Variants in ZFHX2 observed in about 807,000 individuals in gnomAD.
The protein encoded by ZFHX2 is zinc finger homeobox 2, also known as zinc finger homeobox protein 2.
Under a neutral mutation model 164.8 loss-of-function variants are expected in ZFHX2, and 75 were observed. That is an observed-to-expected ratio of 0.46 (90% confidence interval 0.38 to 0.55). The LOEUF (loss-of-function observed/expected upper bound fraction) is 0.55. Ranked by LOEUF, ZFHX2 falls within the 20% of genes least tolerant of loss-of-function variation. ZFHX2 has a pLI of 0.00. For missense variants in ZFHX2, 2,933 were observed against 3,308.0 expected (o/e 0.89, Z 2.78); for synonymous variants, 1,217 against 1,351.4 (o/e 0.90, Z 2.18).
Position 23,521,769 on chromosome 14 carries a change from T to C in ZFHX2, c.*193A>G, listed in dbSNP as rs1162875297. 4.2e-6 allele frequency: 4 copies of C among 963,108 alleles called. No individual in the cohort carries two copies. The highest frequency in any genetic ancestry group is 4.4e-6 in the Non-Finnish European group (3 of 674,572). 59.7% of individuals were successfully genotyped at this position (963,108 alleles called of 1,614,324 possible). A position where few individuals can be genotyped will look rare whatever the true frequency, so the allele number is the denominator to read the frequency against. Reference sequence around the variant, plus strand: ...GGAGGAGGATCAATGTGTGTGTCTGTGGGGATTGGGAGGAGGCAGGACTCT... The same window carrying C: ...GGAGGAGGATCAATGTGTGTGTCTGCGGGGATTGGGAGGAGGCAGGACTCT... On this transcript the variant is annotated 3_prime_UTR_variant, in exon 10 of 10. Transcript: ENST00000419474.
chr14:23,551,788 G>A (rs955219320), upstream of ZFHX2: 7 of 152,516 alleles, frequency 4.6e-5, no homozygotes, highest in African/African-American at 1.7e-4. This position sits in a 1 kb window ranked among gnomAD's most constrained non-coding sequence, Gnocchi z 5.3. Context: ...GGCGCCCGGG[G>A]CTGCCCCACT....
At position 23,521,690 on chromosome 14, in the gene ZFHX2, G is replaced by C. The variant is rs1366892351; in HGVS notation, c.*272C>G. On this transcript the variant is annotated 3_prime_UTR_variant, in exon 10 of 10. Transcript: ENST00000419474. The stretch of plus-strand genomic sequence containing the variant: ...CATGTATGAATAATCAGGGTGCCAA[G>C]ATGGGTGTATGTGTCTGTGAAGATG... 18 of 453,942 alleles carry C rather than the reference G, an allele frequency of 4.0e-5. No homozygotes were observed. The highest frequency in any genetic ancestry group is 4.2e-5 in the Non-Finnish European group (11 of 259,220). The allele number at this position is 453,942 out of a possible 1,614,324, so 28.1% of individuals were successfully genotyped here. A position where few individuals can be genotyped will look rare whatever the true frequency, so the allele number is the denominator to read the frequency against.
At position 23,526,363 on chromosome 14, in the gene ZFHX2, G is replaced by A. The variant is rs1486332729; in HGVS notation, c.3579C>T (p.Cys1193=). Residue 1193 remains cysteine, a synonymous_variant, in exon 9 of 10, where the codon TGC becomes TGT. Coordinates refer to ENST00000419474, the MANE Select transcript of ZFHX2 (RefSeq NM_033400.3). ...KFLDPARPYK[C]TVCKESFTQK... is the part of the protein sequence containing the mutation. The stretch of plus-strand genomic sequence containing the variant: ...GGGTGAAGGACTCCTTACACACAGT[G>A]CACTTATAGGGCCGGGCAGGGTCGA... The A allele has an allele frequency of 6.5e-7, 1 of 1,536,390 alleles. No homozygotes were observed. Among genetic ancestry groups the A allele is most frequent in the South Asian group, 1.2e-5 (1 of 84,064 alleles).
At chr14:23,550,943 C>T (rs571303626) in intron 1 of ZFHX2, among the ~76,000 whole-genome samples, 4 of 152,070 alleles carry the variant, frequency 2.6e-5, no homozygotes, top group Admixed American at 6.5e-5. Flanking sequence ...AGCTCTGAGC[C>T]CTCACACTCA....
chr14:23,527,420 C>T (rs1297659546), intron 7 of ZFHX2, among the ~76,000 whole-genome samples, 184 bp downstream of exon 7: 1 of 152,102 alleles, frequency 6.6e-6, no homozygotes, highest in Non-Finnish European at 1.5e-5. Context: ...CTGCCTCTTC[C>T]TCCCCTCCTG....
chr14:23,534,237 C>T lies in ZFHX2; in HGVS notation c.1089G>A (p.Ser363=), dbSNP rs377374654. 4.1e-5 allele frequency: 62 copies of T among 1,520,258 alleles called. No homozygotes were observed. In the East Asian group the frequency reaches 9.6e-4, roughly 24 times the overall value. 94.2% of individuals were successfully genotyped at this position (1,520,258 alleles called of 1,614,324 possible). A position where few individuals can be genotyped will look rare whatever the true frequency, so the allele number is the denominator to read the frequency against. ...WDPSPTQAKE[S]PVAAGEAGPD... ...GCCCTGCCTCGCCTGCTGCTACTGGCGATTCTTTGGCTTGGGTTGGGCTGG... is the reference window on the plus strand; with the variant it reads ...GCCCTGCCTCGCCTGCTGCTACTGGTGATTCTTTGGCTTGGGTTGGGCTGG... Residue 363 remains serine, a synonymous_variant, in exon 2 of 10, where the codon TCG becomes TCA. Coordinates refer to ENST00000419474, the MANE Select transcript of ZFHX2 (RefSeq NM_033400.3). The surrounding 1 kb of genome is among the most constrained non-coding windows in gnomAD (Gnocchi z 4.5).
In ZFHX2 at chr14:23,535,712, C is replaced by A. The variant is rs1880063628; in HGVS notation, c.-49-338G>T. On this transcript the variant is annotated intron_variant, in intron 1 of 9. Transcript: ENST00000419474. The surrounding 1 kb of genome is among the most constrained non-coding windows in gnomAD (Gnocchi z 4.5). ...GGTTCAAGTGATTCTCCTGCCTCAGCCTCCTGAGTAGCTGGGATTACAGGC... is the reference window on the plus strand; with the variant it reads ...GGTTCAAGTGATTCTCCTGCCTCAGACTCCTGAGTAGCTGGGATTACAGGC... Among the ~76,000 whole-genome samples the A allele has an allele frequency of 6.6e-6, 1 of 152,088 alleles. No homozygotes were observed. The highest frequency in any genetic ancestry group is 2.4e-5 in the African/African-American group (1 of 41,398).
rs1005289534 is a variant in ZFHX2, at chr14:23,533,306, C to T, written c.2020G>A (p.Ala674Thr). 6.3e-6 allele frequency: 9 copies of T among 1,436,944 alleles called. No individual in the cohort carries two copies. In the South Asian group the frequency reaches 1.3e-4, roughly 21 times the overall value. 89.0% of individuals were successfully genotyped at this position (1,436,944 alleles called of 1,614,324 possible). The change falls in exon 2 of 10, where the codon GCC becomes ACC. Residue 674 changes from alanine to threonine, a missense_variant. Physicochemically the swap from Ala to Thr is moderately conservative, Grantham distance 58. Coordinates refer to ENST00000419474, the MANE Select transcript of ZFHX2 (RefSeq NM_033400.3). This position sits in a 1 kb window ranked among gnomAD's most constrained non-coding sequence, Gnocchi z 4.8. The stretch of plus-strand genomic sequence containing the variant: ...TTACCGGATGTGGGGAACTTGCGGG[C>T]AGGTGCTCCTACGTGGTGGAAACCA... ...LNGFHHVGAP[A>T]RKFPTSAPGS...
Position 23,535,159 on chromosome 14 carries a change from G to A in ZFHX2, c.167C>T (p.Pro56Leu). Residue 56 changes from proline to leucine, a missense_variant, in exon 2 of 10, where the codon CCA (proline) becomes CTA (leucine). By Grantham distance (98) the Pro-to-Leu change is moderately conservative (BLOSUM62 -3). Transcript: ENST00000419474. This position sits in a 1 kb window ranked among gnomAD's most constrained non-coding sequence, Gnocchi z 4.5. ...GCCCGACTCCAGGAGCTGTCCCCCTGGCTCTGAGGACCTCATGTTCTCAGA... is the reference window on the plus strand; with the variant it reads ...GCCCGACTCCAGGAGCTGTCCCCCTAGCTCTGAGGACCTCATGTTCTCAGA... ...STSENMRSSE[P>L]GGQLLESGCG... The A allele has an allele frequency of 2.6e-6, 4 of 1,535,810 alleles. No homozygotes were observed. Among genetic ancestry groups the A allele is most frequent in the Non-Finnish European group, 3.5e-6 (4 of 1,146,522 alleles).
In ZFHX2 at chr14:23,526,670, T is replaced by G. The variant is rs1477211618; in HGVS notation, c.3272A>C (p.Asn1091Thr). Reference sequence around the variant, plus strand: ...ATCTGGACTGGCTTCTGGGGTCAGGTTAGGGCCTTCTAGGGGAGAGAGAAG... The same window carrying G: ...ATCTGGACTGGCTTCTGGGGTCAGGGTAGGGCCTTCTAGGGGAGAGAGAAG... The part of the protein sequence containing the change: ...PSRDQAAEGP[N>T]LTPEASPDPL... The change falls in exon 9 of 10, where the codon AAC becomes ACC. Residue 1091 changes from asparagine (N) to threonine (T), a missense_variant. Physicochemically the swap from Asn to Thr is moderately conservative, Grantham distance 65 (BLOSUM62 0). Coordinates refer to ENST00000419474, the MANE Select transcript of ZFHX2 (RefSeq NM_033400.3). The G allele has an allele frequency of 6.5e-7, 1 of 1,535,624 alleles. No homozygotes were observed. The highest frequency in any genetic ancestry group is 2.0e-5 in the Admixed American group (1 of 50,966).
Position 23,521,911 on chromosome 14 carries a change from T to A in ZFHX2, c.*51A>T, listed in dbSNP as rs1878045249. The A allele has an allele frequency of 5.2e-6, 8 of 1,531,442 alleles. No individual in the cohort carries two copies. Among genetic ancestry groups the A allele is most frequent in the Non-Finnish European group, 7.0e-6 (8 of 1,145,242 alleles). 94.9% of individuals were successfully genotyped at this position (1,531,442 alleles called of 1,614,324 possible). ...AGCTCCCACCGAACACCCCTTGGGG[T>A]AAAAGAGGGAGCCCTGAGGCCCTCC... On this transcript the variant is annotated 3_prime_UTR_variant, in exon 10 of 10. Coordinates refer to ENST00000419474, the MANE Select transcript of ZFHX2 (RefSeq NM_033400.3).
rs1298732601 is a variant in ZFHX2, at chr14:23,526,140, G to A, written c.3802C>T (p.Arg1268Trp). The change falls in exon 9 of 10, where the codon CGG becomes TGG. Residue 1268 changes from arginine (R) to tryptophan (W), a missense_variant. Arg to Trp is a moderately radical substitution (Grantham distance 101, BLOSUM62 -3). Coordinates refer to ENST00000419474, the MANE Select transcript of ZFHX2 (RefSeq NM_033400.3). ...NQSSTLEIHMRSVLHQTRSRG... is the reference protein window; with the variant it reads ...NQSSTLEIHMWSVLHQTRSRG... Reference sequence around the variant, plus strand: ...GAGCGAGTCTGATGCAGAACTGACCGCATGTGGATCTCCAGGGTGGAGCTC... The same window carrying A: ...GAGCGAGTCTGATGCAGAACTGACCACATGTGGATCTCCAGGGTGGAGCTC... The A allele has an allele frequency of 1.4e-5, 22 of 1,536,362 alleles. No individual in the cohort carries two copies. The East Asian group carries it at 1.5e-4, about 10-fold the overall frequency.
intron 1 of ZFHX2, chr14:23,538,196 C>T (rs1342447888): frequency 1.3e-5 from 2 of 152,188 alleles, no homozygotes; most frequent in African/African-American, 4.8e-5. Flanking sequence ...TCTGATCGGC[C>T]GAGGGTAGGT....
rs1566573073 is a variant in ZFHX2 at position 23,524,398 on chromosome 14, T to TC, written c.5543dup (p.Gly1849ArgfsTer19). 6.5e-7 allele frequency: 1 copy of TC among 1,536,096 alleles called. No individual in the cohort carries two copies. Among genetic ancestry groups the TC allele is most frequent in the Non-Finnish European group, 8.7e-7 (1 of 1,146,874 alleles). ...CCCTGGGGGGCTCGCCCTCCCCTCC[T>TC]CCCCCTGCTTCACTGCCTGTGGGAG... On this transcript the variant is annotated frameshift_variant, in exon 9 of 10. Coordinates refer to ENST00000419474, the MANE Select transcript of ZFHX2 (RefSeq NM_033400.3). LOFTEE classifies it high-confidence loss of function. This position sits in a 1 kb window ranked among gnomAD's most constrained non-coding sequence, Gnocchi z 5.6.
At chr14:23,541,095 G>A (rs1228199646) in intron 1 of ZFHX2, among the ~76,000 whole-genome samples, 14 of 151,660 alleles carry the variant, frequency 9.2e-5, no homozygotes, top group African/African-American at 2.9e-4. Context: ...CAGTAGAGAC[G>A]GGGTTTCACC....
Position 23,526,338 on chromosome 14 carries a change from G to C in ZFHX2, c.3604C>G (p.Gln1202Glu). 2.6e-6 allele frequency: 4 copies of C among 1,536,290 alleles called. No individual in the cohort carries two copies. Among genetic ancestry groups the C allele is most frequent in the Non-Finnish European group, 3.5e-6 (4 of 1,146,930 alleles). Reference sequence around the variant, plus strand: ...TAATGAACCAACAGAATATTCTTCTGGGTGAAGGACTCCTTACACACAGTG... The same window carrying C: ...TAATGAACCAACAGAATATTCTTCTCGGTGAAGGACTCCTTACACACAGTG... ...KCTVCKESFT[Q>E]KNILLVHYNS... Residue 1202 changes from glutamine (Q) to glutamate (E), a missense_variant, in exon 9 of 10, where the codon CAG becomes GAG. By Grantham distance (29) the Gln-to-Glu change is conservative (BLOSUM62 2). Transcript: ENST00000419474.
At position 23,534,172 on chromosome 14, in the gene ZFHX2, A is replaced by C. The variant is rs1247975701; in HGVS notation, c.1154T>G (p.Leu385Arg). The C allele has an allele frequency of 6.8e-7, 1 of 1,473,720 alleles. No homozygotes were observed. The highest frequency in any genetic ancestry group is 9.0e-7 in the Non-Finnish European group (1 of 1,116,418). 91.3% of individuals were successfully genotyped at this position (1,473,720 alleles called of 1,614,324 possible). A position where few individuals can be genotyped will look rare whatever the true frequency, so the allele number is the denominator to read the frequency against. The change falls in exon 2 of 10, where the codon CTC becomes CGC. Residue 385 changes from leucine to arginine, a missense_variant. Physicochemically the swap from Leu to Arg is moderately radical, Grantham distance 102. Coordinates refer to ENST00000419474, the MANE Select transcript of ZFHX2 (RefSeq NM_033400.3). This position sits in a 1 kb window ranked among gnomAD's most constrained non-coding sequence, Gnocchi z 4.5. Reference sequence around the variant, plus strand: ...TGAGCTTTGGTTGAGTGGGGGGCAGAGCCCTCCATCCTCTTCTTGCCCCTC... The same window carrying C: ...TGAGCTTTGGTTGAGTGGGGGGCAGCGCCCTCCATCCTCTTCTTGCCCCTC... ...FPEGQEEDGG[L>R]CPPLNQSSPT...
At chr14:23,538,535 G>A (rs943899534) in intron 1 of ZFHX2, among the ~76,000 whole-genome samples, 5 of 152,018 alleles carry the variant, frequency 3.3e-5, no homozygotes, top group Admixed American at 3.3e-4. Context: ...ACAGGCCTAA[G>A]AGTCATCCCC....
Position 23,522,172 on chromosome 14 carries a change from C to A in ZFHX2, c.7509G>T (p.Leu2503=). ...CTYHCLACEV[L]LSGREALASH... Reference sequence around the variant, plus strand: ...AGGCTAGGGCTTCACGCCCACTCAGCAGCACCTCACATGCCAGGCAGTGGT... The same window carrying A: ...AGGCTAGGGCTTCACGCCCACTCAGAAGCACCTCACATGCCAGGCAGTGGT... Residue 2503 remains leucine, a synonymous_variant, in exon 10 of 10, where the codon CTG becomes CTT. Coordinates refer to ENST00000419474, the MANE Select transcript of ZFHX2 (RefSeq NM_033400.3). The A allele has an allele frequency of 6.7e-7, 1 of 1,497,556 alleles. No individual in the cohort carries two copies. Among genetic ancestry groups the A allele is most frequent in the South Asian group, 1.3e-5 (1 of 76,612 alleles). The allele number at this position is 1,497,556 out of a possible 1,614,324, so 92.8% of individuals were successfully genotyped here.
Sources: allele counts gnomAD v4.1 joint callset (sites outside exome capture counted in the v4.1 genomes callset), GRCh38; gene constraint gnomAD v4.1.1; non-coding constraint Gnocchi (gnomAD v3.1); transcripts MANE v1.5; gene names NCBI Gene and HGNC (gene_info 2026-07-23, HGNC 2026-07-21).